COG3: variants seen among roughly 807,000 people sequenced by gnomAD.
COG3 encodes the protein conserved oligomeric Golgi complex subunit 3.
Under a neutral mutation model 114.1 loss-of-function variants are expected in COG3, and 32 were observed. That is an observed-to-expected ratio of 0.28 (90% CI 0.21 to 0.38). COG3 has a LOEUF of 0.38. Among genes scored for constraint, COG3 ranks in the 10% least tolerant of loss-of-function variants. The pLI, the probability that COG3 is intolerant of heterozygous loss-of-function variation, is 1.00. For synonymous variants in COG3, 352 were observed against 365.7 expected, an observed-to-expected ratio of 0.96 and a Z score of 0.43; for missense variants, 813 against 973.2, an observed-to-expected ratio of 0.84 and a Z score of 2.19.
intron 19 of COG3, among the ~76,000 whole-genome samples, chr13:45,521,028 A>G (rs893972843): frequency 6.6e-6 from 1 of 152,266 alleles, no homozygotes; most frequent in Non-Finnish European, 1.5e-5. Flanking sequence ...CAGTTTTTCT[A>G]GAAATCAAGA....
At chr13:45,528,638 G>A (rs1368876837) in intron 20 of COG3, among the ~76,000 whole-genome samples, 6 of 152,098 alleles carry the variant, frequency 3.9e-5, no homozygotes, top group African/African-American at 1.4e-4. Flanking sequence ...AGCACATGTG[G>A]ACTTTAAAAA....
intron 1 of COG3, among the ~76,000 whole-genome samples, chr13:45,468,217 G>GT (rs1394199547): frequency 2.6e-5 from 4 of 152,140 alleles, no homozygotes; most frequent in Non-Finnish European, 5.9e-5. Context: ...TAGATGTGAT[G>GT]TTTATCTTTT....
At chr13:45,465,829 T>C (rs2137761190) in intron 1 of COG3, 1 of 152,414 alleles carries the variant, frequency 6.6e-6, no homozygotes, top group Admixed American at 6.5e-5. Context: ...GCTCAGTACA[T>C]TATTAAGCAG....
At chr13:45,469,457 A>T (rs1885340340) in intron 1 of COG3, among the ~76,000 whole-genome samples, 1 of 152,192 alleles carries the variant, frequency 6.6e-6, no homozygotes, top group Non-Finnish European at 1.5e-5. Flanking sequence ...GGGCATATTT[A>T]TAGAAGGCAG....
At chr13:45,489,145 C>CCACTG (rs1242542603) in intron 8 of COG3, among the ~76,000 whole-genome samples, 1 of 135,990 alleles carries the variant, frequency 7.4e-6, no homozygotes, top group East Asian at 2.1e-4. Context: ...CAAGATAGCA[C>CCACTG]CACTGCACTC....
rs534618582 is a variant in COG3 at position 45,466,072 on chromosome 13, C to G, written c.174+862C>G. Among the ~76,000 whole-genome samples, 220 of 152,296 alleles carry G rather than the reference C, an allele frequency of 1.4e-3. 2 individuals are homozygous for G. Among genetic ancestry groups the G allele is most frequent in the African/African-American group, 4.5e-3 (188 of 41,558 alleles). On this transcript the variant is annotated intron_variant, in intron 1 of 22. Coordinates refer to ENST00000349995, the MANE Select transcript of COG3 (RefSeq NM_031431.4). ...GTTGGAAGCATTCTTTTCTCTCGCT[C>G]TGTCGCCCAGGCTGGAGTGCAGTGG...
At chr13:45,511,716 T>G in intron 15 of COG3, 49 bp from the exon 16 acceptor site, 1 of 1,430,238 alleles carries the variant, frequency 7.0e-7, no homozygotes, top group Non-Finnish European at 9.8e-7. Flanking sequence ...TTCCTTTTTT[T>G]TTGTTTTGTC....
In COG3 at chr13:45,509,679, A is replaced by C. The variant is rs749008471; in HGVS notation, c.1595-13A>C. 2 of 1,611,280 alleles carry C rather than the reference A, an allele frequency of 1.2e-6. No homozygotes were observed. Among genetic ancestry groups the C allele is most frequent in the Non-Finnish European group, 1.7e-6 (2 of 1,178,886 alleles). ...ATGTGTGAAATGTGTCTTCTTTTCC[A>C]CTTGGGTTTTAGGTTCAACAGAATC... is the stretch of plus-strand genomic sequence containing the variant. On this transcript the variant is annotated splice_polypyrimidine_tract_variant and intron_variant, in intron 14 of 22. Transcript: ENST00000349995.
At chr13:45,517,949 A>G (rs1871718262) in intron 17 of COG3, among the ~76,000 whole-genome samples, 1 of 152,182 alleles carries the variant, frequency 6.6e-6, no homozygotes, top group Non-Finnish European at 1.5e-5. Flanking sequence ...CCATATGATG[A>G]TTTGATTCTG....
intron 1 of COG3, among the ~76,000 whole-genome samples, chr13:45,468,315 T>C (rs975532143): frequency 6.6e-6 from 1 of 152,238 alleles, no homozygotes; most frequent in Non-Finnish European, 1.5e-5. Context: ...TTATGTGAAA[T>C]CACGTATGCA....
chr13:45,513,452 T>C (rs187751603), intron 16 of COG3, among the ~76,000 whole-genome samples: 2 of 83,890 alleles, frequency 2.4e-5, no homozygotes, highest in African/African-American at 1.4e-4. Flanking sequence ...ATAAATTATA[T>C]ATATAATATA....
Position 45,535,247 on chromosome 13 carries a change from T to G in COG3, c.*516T>G. 1.0e-6 allele frequency: 1 copy of G among 985,522 alleles called. No individual in the cohort carries two copies. The highest frequency in any genetic ancestry group is 1.2e-6 in the Non-Finnish European group (1 of 829,980). 61.0% of individuals were successfully genotyped at this position (985,522 alleles called of 1,614,324 possible). On this transcript the variant is annotated 3_prime_UTR_variant, in exon 23 of 23. Transcript: ENST00000349995. ...TTTTGAAGTTGAGTTTGGAGTAGAT[T>G]GGTTGCTTCTGAGAACACATTCTGC...
At chr13:45,511,195 G>T (rs1390798849) in intron 15 of COG3, among the ~76,000 whole-genome samples, 1 of 150,564 alleles carries the variant, frequency 6.6e-6, no homozygotes, top group Non-Finnish European at 1.5e-5. Context: ...GAATTTCACC[G>T]CCTCCTTCAG....
intron 19 of COG3, among the ~76,000 whole-genome samples, chr13:45,521,078 G>A (rs1331701216): frequency 1.3e-5 from 2 of 152,170 alleles, no homozygotes; most frequent in Non-Finnish European, 2.9e-5. Flanking sequence ...TAGCTACTCT[G>A]GATGTCTGAG....
rs747372176 is a variant in COG3 at position 45,486,477 on chromosome 13, T to TC, written c.844-13dup. The stretch of plus-strand genomic sequence containing the variant: ...TGCTAATTATCTTCCTTCCTTATCC[T>TC]CCCCCATGTTTCTTTAGGATCCTTC... On this transcript the variant is annotated splice_polypyrimidine_tract_variant and intron_variant, in intron 7 of 22. Transcript: ENST00000349995. 6.2e-6 allele frequency: 9 copies of TC among 1,463,240 alleles called. No homozygotes were observed. The highest frequency in any genetic ancestry group is 7.7e-6 in the Non-Finnish European group (8 of 1,043,478). The allele number at this position is 1,463,240 out of a possible 1,614,324, so 90.6% of individuals were successfully genotyped here.
At position 45,483,792 on chromosome 13, in the gene COG3, AC is replaced by A. The variant is rs371217759; in HGVS notation, c.843+440del. Among the ~76,000 whole-genome samples, 155 of 152,052 alleles carry A rather than the reference AC, an allele frequency of 1.0e-3. 3 individuals carry two copies. The South Asian group carries it at 0.031, about 31-fold the overall frequency. Reference sequence around the variant, plus strand: ...ATGCATAATTTAAATTTTCTTCTTTACCCTTTTTTTGTATTTTTCAACTTTT... The same window carrying A: ...ATGCATAATTTAAATTTTCTTCTTTACCTTTTTTTGTATTTTTCAACTTTT... On this transcript the variant is annotated intron_variant, in intron 7 of 22. Transcript: ENST00000349995.
Position 45,498,798 on chromosome 13 carries a change from T to TTC in COG3, c.1488+2486_1488+2487insTC, listed in dbSNP as rs10691523. 1.7e-3 allele frequency among the ~76,000 whole-genome samples: 258 copies of TTC among 148,394 alleles called. 4 individuals carry two copies. The highest frequency in any genetic ancestry group is 5.4e-3 in the African/African-American group (213 of 39,664). Reference sequence around the variant, plus strand: ...CTATTTTGTTCTTTTTTTTTTTTTTTCAAATTGTTTTGGCTATTTTGGGCT... The same window carrying TTC: ...CTATTTTGTTCTTTTTTTTTTTTTTTTCCAAATTGTTTTGGCTATTTTGGGCT... On this transcript the variant is annotated intron_variant, in intron 13 of 22. Transcript: ENST00000349995.
chr13:45,535,227 A>G lies in COG3; in HGVS notation c.*496A>G. 1.0e-6 allele frequency: 1 copy of G among 985,558 alleles called. No individual in the cohort carries two copies. 61.1% of individuals were successfully genotyped at this position (985,558 alleles called of 1,614,324 possible). On this transcript the variant is annotated 3_prime_UTR_variant, in exon 23 of 23. Transcript: ENST00000349995. ...TGTAATGTTTCTCCTGTCATTTTTGAAGTTGAGTTTGGAGTAGATTGGTTG... is the reference window on the plus strand; with the variant it reads ...TGTAATGTTTCTCCTGTCATTTTTGGAGTTGAGTTTGGAGTAGATTGGTTG...
rs775600366 is a variant in COG3, at chr13:45,481,310, C to T, written c.624+6C>T. 2.0e-6 allele frequency: 3 copies of T among 1,464,536 alleles called. No homozygotes were observed. The highest frequency in any genetic ancestry group is 2.3e-5 in the South Asian group (2 of 85,172). The allele number at this position is 1,464,536 out of a possible 1,614,324, so 90.7% of individuals were successfully genotyped here. A position where few individuals can be genotyped will look rare whatever the true frequency, so the allele number is the denominator to read the frequency against. On this transcript the variant is annotated splice_donor_region_variant and intron_variant, in intron 5 of 22. Coordinates refer to ENST00000349995, the MANE Select transcript of COG3 (RefSeq NM_031431.4). ...AATTGGAAACTATTAACACAGTAAG[C>T]ATTGTTCTTTACTTCTTATAAAGTT...
Sources: gnomAD v4.1 joint callset for allele counts (sites outside exome capture counted in the v4.1 genomes callset) on GRCh38, gnomAD v4.1.1 for gene constraint, MANE v1.5 for transcripts, NCBI Gene and HGNC (gene_info 2026-07-23, HGNC 2026-07-21) for gene names.